Variants in HS3ST4 observed in about 807,000 individuals in gnomAD.
HS3ST4 encodes heparan sulfate glucosamine 3-O-sulfotransferase 4.
In HS3ST4, 17 loss-of-function variants were observed where a neutral mutation model predicts 29.2. The ratio of observed to expected loss-of-function variants is 0.58; its 90% CI spans 0.40 to 0.87. The LOEUF (loss-of-function observed/expected upper bound fraction) is 0.87. Among genes scored for constraint, HS3ST4 ranks in the 40% least tolerant of loss-of-function variants. The probability of loss-of-function intolerance (pLI) is 0.00; values close to 1 mark genes in which losing one functional copy is unlikely to be tolerated. For missense variants in HS3ST4, 627 were observed against 634.5 expected (o/e 0.99, Z 0.13); for synonymous variants, 314 against 285.7 (o/e 1.10, Z -1.00).
At chr16:25,773,956 A>G (rs967363425) in intron 1 of HS3ST4, among the ~76,000 whole-genome samples, 13 of 152,132 alleles carry the variant, frequency 8.5e-5, no homozygotes, top group Non-Finnish European at 1.6e-4. Context: ...GACCAAAGCA[A>G]CATCACTAGA....
At chr16:25,907,925 C>A (rs890643608) in intron 1 of HS3ST4, among the ~76,000 whole-genome samples, 1 of 152,202 alleles carries the variant, frequency 6.6e-6, no homozygotes, top group African/African-American at 2.4e-5. Context: ...ATTTTTATTT[C>A]TCTCTTTATT....
chr16:25,811,061 A>G (rs1356856923), intron 1 of HS3ST4, among the ~76,000 whole-genome samples: 2 of 152,386 alleles, frequency 1.3e-5, no homozygotes, highest in South Asian at 2.1e-4. Flanking sequence ...GTGGTGAGCT[A>G]CAAAACTGCT....
intron 1 of HS3ST4, among the ~76,000 whole-genome samples, chr16:25,698,826 A>G (rs1444179669): frequency 2.6e-5 from 4 of 152,194 alleles, no homozygotes; most frequent in Non-Finnish European, 5.9e-5. Flanking sequence ...ACCGAAGGTC[A>G]CACAACTTCA....
At chr16:25,868,965 G>A (rs538248256) in intron 1 of HS3ST4, among the ~76,000 whole-genome samples, 1 of 152,268 alleles carries the variant, frequency 6.6e-6, no homozygotes, top group Admixed American at 6.5e-5. Flanking sequence ...GTGTATATGT[G>A]TGTCTGTGTG....
intron 1 of HS3ST4, among the ~76,000 whole-genome samples, chr16:25,735,945 A>G (rs116331743): frequency 0.011 from 1,600 of 152,302 alleles, 32 homozygotes; most frequent in African/African-American, 0.036. Flanking sequence ...TTACCAGAAG[A>G]CAGAAGAAAA....
intron 1 of HS3ST4, chr16:25,886,654 A>G (rs1444631969): frequency 1.3e-5 from 2 of 152,292 alleles, no homozygotes; most frequent in East Asian, 3.9e-4. Flanking sequence ...TAGACAAGAT[A>G]TTTCAGGCAG....
rs114968086 is a variant in HS3ST4, at chr16:25,990,595, G to A, written c.735-145017G>A. 6.3e-3 allele frequency among the ~76,000 whole-genome samples: 967 copies of A among 152,302 alleles called. 11 individuals are homozygous for A. Among genetic ancestry groups the A allele is most frequent in the African/African-American group, 0.023 (938 of 41,554 alleles). ...TAATATCTAACTTGGCATGTGCCAG[G>A]CACAGTGCTAAGTGACTTGGGAGGA... On this transcript the variant is annotated intron_variant, in intron 1 of 1. Coordinates refer to ENST00000331351, the MANE Select transcript of HS3ST4 (RefSeq NM_006040.3).
In HS3ST4 at chr16:25,875,372, C is replaced by G. The variant is rs550035107; in HGVS notation, c.734+182221C>G. On this transcript the variant is annotated intron_variant, in intron 1 of 1. Coordinates refer to ENST00000331351, the MANE Select transcript of HS3ST4 (RefSeq NM_006040.3). The stretch of plus-strand genomic sequence containing the variant: ...TCGCGGCACTGATGAGAATGCCAAA[C>G]AGTCTATTCATGTCCATGTGCTCAT... Among the ~76,000 whole-genome samples, 3 of 152,238 alleles carry G rather than the reference C, an allele frequency of 2.0e-5. No homozygotes were observed. The South Asian group carries it at 6.2e-4, about 32-fold the overall frequency.
intron 1 of HS3ST4, among the ~76,000 whole-genome samples, chr16:26,010,427 C>G (rs1328747645): frequency 6.6e-6 from 1 of 150,848 alleles, no homozygotes; most frequent in African/African-American, 2.4e-5. Flanking sequence ...GCACTCTAGC[C>G]TGGGAGACAG....
intron 1 of HS3ST4, among the ~76,000 whole-genome samples, chr16:25,722,801 A>T: frequency 6.6e-6 from 1 of 152,204 alleles, no homozygotes; most frequent in South Asian, 2.1e-4. Flanking sequence ...AACTACTAAT[A>T]GCAGGACTTC....
intron 1 of HS3ST4, among the ~76,000 whole-genome samples, chr16:25,871,617 G>A (rs1967753474): frequency 6.6e-6 from 1 of 152,034 alleles, no homozygotes; most frequent in African/African-American, 2.4e-5. Flanking sequence ...ACTATTATTT[G>A]TCACATTTTT....
intron 1 of HS3ST4, among the ~76,000 whole-genome samples, chr16:26,051,502 GTTTA>G (rs1898345377): frequency 1.3e-5 from 2 of 151,864 alleles, no homozygotes; most frequent in South Asian, 4.2e-4. Flanking sequence ...ATATTATTGT[GTTTA>G]TTTACCCAGG....
chr16:26,068,556 A>G (rs1011874519), intron 1 of HS3ST4, among the ~76,000 whole-genome samples: 2 of 152,126 alleles, frequency 1.3e-5, no homozygotes, highest in Admixed American at 6.5e-5. Context: ...CACACTTTTA[A>G]TCACCTCCCT....
At chr16:25,913,012 A>C (rs1386247558) in intron 1 of HS3ST4, among the ~76,000 whole-genome samples, 1 of 152,190 alleles carries the variant, frequency 6.6e-6, no homozygotes, top group Admixed American at 6.5e-5. Context: ...TAATCTGTGA[A>C]TGGGGGTCTA....
intron 1 of HS3ST4, among the ~76,000 whole-genome samples, chr16:26,086,131 C>T (rs1898783949): frequency 6.6e-6 from 1 of 151,978 alleles, no homozygotes; most frequent in Non-Finnish European, 1.5e-5. Flanking sequence ...TCCGAATTTT[C>T]TCAATTCACT....
chr16:26,037,109 T>A (rs181960551), intron 1 of HS3ST4, among the ~76,000 whole-genome samples: 214 of 152,272 alleles, frequency 1.4e-3, no homozygotes, highest in African/African-American at 5.0e-3. Flanking sequence ...TGATCTAAGC[T>A]CAGCCTACTT....
At chr16:25,789,265 T>A (rs376830235) in intron 1 of HS3ST4, among the ~76,000 whole-genome samples, 1 of 152,034 alleles carries the variant, frequency 6.6e-6, no homozygotes, top group East Asian at 1.9e-4. Context: ...TTCTTCTTCC[T>A]CCTTCTTGTC....
intron 1 of HS3ST4, among the ~76,000 whole-genome samples, chr16:25,794,836 A>G (rs1374592958): frequency 6.7e-6 from 1 of 149,900 alleles, no homozygotes; most frequent in East Asian, 2.0e-4. Context: ...ACCTGGTCCC[A>G]TTCTCTTTAC....
chr16:25,852,579 T>C (rs1414113755), intron 1 of HS3ST4, among the ~76,000 whole-genome samples: 1 of 152,010 alleles, frequency 6.6e-6, no homozygotes, highest in Non-Finnish European at 1.5e-5. Flanking sequence ...TTTTTTTTTT[T>C]CTTTTAAAAG....
Sources: allele counts gnomAD v4.1 joint callset (sites outside exome capture counted in the v4.1 genomes callset), GRCh38; gene constraint gnomAD v4.1.1; transcripts MANE v1.5; gene names NCBI Gene and HGNC (gene_info 2026-07-23, HGNC 2026-07-21).